Variants in PARP9 observed in about 807,000 individuals in gnomAD.
PARP9 encodes the protein protein mono-ADP-ribosyltransferase PARP9.
Under a neutral mutation model 68.8 loss-of-function variants are expected in PARP9, and 48 were observed. The observed-to-expected ratio is 0.70, with a 90% CI of 0.55 to 0.89. The LOEUF (loss-of-function observed/expected upper bound fraction) is 0.89. Ranked by LOEUF, PARP9 falls within the 40% of genes least tolerant of loss-of-function variation. The pLI is 0.00. For synonymous variants in PARP9, 309 were observed against 333.8 expected (o/e 0.93, Z 0.81); for missense variants, 806 against 969.3 (o/e 0.83, Z 2.24).
intron 5 of PARP9, among the ~76,000 whole-genome samples, chr3:122,551,038 G>A (rs915393619): frequency 2.0e-5 from 3 of 152,120 alleles, no homozygotes; most frequent in African/African-American, 4.8e-5. Context: ...AGGACATGAG[G>A]GCACTAGAAT....
intron 10 of PARP9, chr3:122,535,843 C>CAA (rs10716375): frequency 9.3e-5 from 91 of 977,246 alleles, no homozygotes; most frequent in Middle Eastern, 9.7e-4. Context: ...ATAAGTAAGG[C>CAA]AAAAAAAAAA....
intron 10 of PARP9, chr3:122,532,929 G>GC (rs1442773989): frequency 6.6e-6 from 1 of 152,224 alleles, no homozygotes; most frequent in Middle Eastern, 3.2e-3. Flanking sequence ...TAATGTGGGA[G>GC]CTAGGGCCTT....
At chr3:122,559,097 A>G (rs765270693) in intron 2 of PARP9, among the ~76,000 whole-genome samples, 4 of 152,136 alleles carry the variant, frequency 2.6e-5, no homozygotes, top group Non-Finnish European at 5.9e-5. Flanking sequence ...ACAGACCAAA[A>G]TGACCCCAAA....
chr3:122,548,892 A>G (rs1270185371), intron 6 of PARP9, among the ~76,000 whole-genome samples: 1 of 152,250 alleles, frequency 6.6e-6, no homozygotes, highest in Non-Finnish European at 1.5e-5. Context: ...AAGAAAAGAT[A>G]AACAATTCAC....
At chr3:122,551,506 A>G (rs752563310) in intron 5 of PARP9, among the ~76,000 whole-genome samples, 43 of 151,912 alleles carry the variant, frequency 2.8e-4, no homozygotes, top group Admixed American at 2.2e-3. Context: ...TTTATTTTAT[A>G]TTTTATTTTT....
Position 122,528,217 on chromosome 3 carries a change from G to C in PARP9, c.*147C>G. Reference sequence around the variant, plus strand: ...GACAGATAAAGGCACTAAGATGCTAGTATGTGGCTAGTCCTTTCAATAACC... The same window carrying C: ...GACAGATAAAGGCACTAAGATGCTACTATGTGGCTAGTCCTTTCAATAACC... On this transcript the variant is annotated 3_prime_UTR_variant, in exon 11 of 11. Coordinates refer to ENST00000682323, the MANE Select transcript of PARP9 (RefSeq NM_001146105.2). The C allele has an allele frequency of 9.8e-7, 1 of 1,021,776 alleles. No homozygotes were observed. The highest frequency in any genetic ancestry group is 1.4e-6 in the Non-Finnish European group (1 of 702,266). 63.3% of individuals were successfully genotyped at this position (1,021,776 alleles called of 1,614,324 possible).
At chr3:122,551,715 G>A (rs1224805063) in intron 5 of PARP9, among the ~76,000 whole-genome samples, 1 of 152,150 alleles carries the variant, frequency 6.6e-6, no homozygotes, top group Non-Finnish European at 1.5e-5. Context: ...GATGCTGGAG[G>A]GGGAACCCCA....
At chr3:122,555,222 CA>C in intron 4 of PARP9, 63 bp downstream of exon 4, 1 of 1,456,504 alleles carries the variant, frequency 6.9e-7, no homozygotes, top group Non-Finnish European at 9.3e-7. Context: ...AGTGTACACT[CA>C]AAAATTATTT....
At chr3:122,539,612 G>A (rs2078027403) in intron 8 of PARP9, among the ~76,000 whole-genome samples, 1 of 145,922 alleles carries the variant, frequency 6.9e-6, no homozygotes, top group Non-Finnish European at 1.5e-5. Flanking sequence ...CCAGGCTGGA[G>A]TGCAATGGTT....
chr3:122,536,068 C>A (rs777391740), intron 10 of PARP9, 100 bp downstream of exon 10: 2 of 1,596,310 alleles, frequency 1.3e-6, no homozygotes, highest in Admixed American at 3.4e-5. Context: ...CACAAATGAT[C>A]CCTTCCCCAC....
At chr3:122,537,318 A>C (rs1339194721) in intron 8 of PARP9, among the ~76,000 whole-genome samples, 1 of 152,226 alleles carries the variant, frequency 6.6e-6, no homozygotes, top group Non-Finnish European at 1.5e-5. Flanking sequence ...AAAGGAGCAT[A>C]ATATATACTT....
At chr3:122,549,566 A>C (rs1267904447) in intron 6 of PARP9, among the ~76,000 whole-genome samples, 1 of 152,176 alleles carries the variant, frequency 6.6e-6, no homozygotes, top group Non-Finnish European at 1.5e-5. Context: ...AGATCACTTG[A>C]GCCCAGGAGC....
intron 7 of PARP9, among the ~76,000 whole-genome samples, chr3:122,542,910 T>C (rs575016710): frequency 2.0e-5 from 3 of 152,218 alleles, no homozygotes; most frequent in East Asian, 3.9e-4. Flanking sequence ...CTCTGAGTTA[T>C]CTATTTATTT....
intron 6 of PARP9, among the ~76,000 whole-genome samples, chr3:122,546,712 G>C (rs1297039349): frequency 6.6e-6 from 1 of 151,926 alleles, no homozygotes; most frequent in Non-Finnish European, 1.5e-5. Context: ...TAATCCTCTT[G>C]TTTGAGTTAC....
chr3:122,539,916 A>G (rs2078061512), intron 8 of PARP9, among the ~76,000 whole-genome samples: 1 of 152,158 alleles, frequency 6.6e-6, no homozygotes, highest in African/African-American at 2.4e-5. Context: ...GGGCTCTGTT[A>G]AAAGGATCTC....
At position 122,556,141 on chromosome 3, in the gene PARP9, TAAAAAAAAAAAAAAAAAAA is replaced by T. The variant is rs745677021; in HGVS notation, c.50-39_50-21del. On this transcript the variant is annotated intron_variant, in intron 3 of 10. Coordinates refer to ENST00000682323, the MANE Select transcript of PARP9 (RefSeq NM_001146105.2). ...CAGTCTCTGGAAAAGAAGAGAAGAT[TAAAAAAAAAAAAAAAAAAA>T]AAAAAAAAAAAAAGCACAGTTTGAA... The T allele has an allele frequency of 3.8e-5, 8 of 209,010 alleles. No individual in the cohort carries two copies. The highest frequency in any genetic ancestry group is 1.6e-4 in the South Asian group (2 of 12,268). The allele number at this position is 209,010 out of a possible 1,614,324, so 12.9% of individuals were successfully genotyped here.
At chr3:122,559,986 C>T (rs958676163) in intron 1 of PARP9, among the ~76,000 whole-genome samples, 1 of 152,114 alleles carries the variant, frequency 6.6e-6, no homozygotes, top group Non-Finnish European at 1.5e-5. Context: ...GAGACTAGAG[C>T]CTGGTCATGA....
At chr3:122,539,529 T>TTCTG (rs1188548796) in intron 8 of PARP9, among the ~76,000 whole-genome samples, 1 of 33,286 alleles carries the variant, frequency 3.0e-5, no homozygotes, top group African/African-American at 8.9e-5. Context: ...CTTTCTTTCT[T>TTCTG]TCTTTCTTTC....
chr3:122,564,675 C>T (rs575899025), upstream of PARP9: 24 of 1,539,924 alleles, frequency 1.6e-5, no homozygotes, highest in Admixed American at 2.2e-5. Flanking sequence ...GGTTTCCAGG[C>T]GGACCCAGTT....
Sources: gnomAD v4.1 joint callset for allele counts (sites outside exome capture counted in the v4.1 genomes callset) on GRCh38, gnomAD v4.1.1 for gene constraint, MANE v1.5 for transcripts, NCBI Gene and HGNC (gene_info 2026-07-23, HGNC 2026-07-21) for gene names.